The following KIAA0513 variants were observed in gnomAD, a reference collection of about 807,000 sequenced individuals.
KIAA0513 encodes the protein uncharacterized protein KIAA0513.
In KIAA0513, 39 loss-of-function variants were observed where a neutral mutation model predicts 56.5. That is an observed-to-expected ratio of 0.69 (90% CI 0.53 to 0.90). The LOEUF is 0.90. Ranked by LOEUF, KIAA0513 falls within the 40% of genes least tolerant of loss-of-function variation. KIAA0513 has a pLI of 0.00. For synonymous variants in KIAA0513, 268 were observed against 215.6 expected (o/e 1.24, Z -2.13); for missense variants, 591 against 535.2 (o/e 1.10, Z -1.03).
At chr16:85,032,747 C>T (rs1344041368) in intron 1 of KIAA0513, among the ~76,000 whole-genome samples, 1 of 152,192 alleles carries the variant, frequency 6.6e-6, no homozygotes, top group Non-Finnish European at 1.5e-5. Context: ...CCTCCTGCCT[C>T]AGCCTCCCGA....
At chr16:85,059,162 T>C (rs1457650438) in intron 1 of KIAA0513, among the ~76,000 whole-genome samples, 1 of 152,216 alleles carries the variant, frequency 6.6e-6, no homozygotes, top group Non-Finnish European at 1.5e-5. Flanking sequence ...AAAAATCTCT[T>C]TTTGGCTCAG....
chr16:85,075,963 G>A (rs746195828), intron 5 of KIAA0513, 49 bp downstream of exon 5: 4 of 1,395,126 alleles, frequency 2.9e-6, no homozygotes, highest in Non-Finnish European at 4.1e-6. Context: ...CTAGTCTGCT[G>A]ATAATATGGT....
intron 1 of KIAA0513, among the ~76,000 whole-genome samples, chr16:85,049,371 G>A (rs1306703256): frequency 6.6e-6 from 1 of 152,220 alleles, no homozygotes; most frequent in African/African-American, 2.4e-5. Context: ...AGACGGTGGA[G>A]GTTGGTTCCG....
At chr16:85,063,826 A>C (rs1354638373) in intron 1 of KIAA0513, among the ~76,000 whole-genome samples, 1 of 151,958 alleles carries the variant, frequency 6.6e-6, no homozygotes, top group East Asian at 1.9e-4. Context: ...CTCTCACTTC[A>C]GTATTCGCAG....
chr16:85,082,944 C>T (rs1306551338), intron 10 of KIAA0513, among the ~76,000 whole-genome samples: 2 of 152,272 alleles, frequency 1.3e-5, no homozygotes, highest in African/African-American at 4.8e-5. Flanking sequence ...CAGCCGTGCT[C>T]TCCACCAGCC....
At chr16:85,073,090 G>A (rs2073603324) in intron 4 of KIAA0513, 92 bp downstream of exon 4, 4 of 1,054,462 alleles carry the variant, frequency 3.8e-6, no homozygotes, top group South Asian at 1.3e-5. Flanking sequence ...TAACCCAGCT[G>A]TGAACCATAT....
chr16:85,068,761 C>T (rs1176348482), intron 2 of KIAA0513, among the ~76,000 whole-genome samples: 2 of 152,204 alleles, frequency 1.3e-5, no homozygotes, highest in Admixed American at 6.5e-5. Context: ...GCCACCGTGC[C>T]CGGCCATCCA....
At chr16:85,083,404 A>G (rs573091557) in intron 10 of KIAA0513, among the ~76,000 whole-genome samples, 5 of 152,274 alleles carry the variant, frequency 3.3e-5, no homozygotes, top group South Asian at 2.1e-4. Context: ...GTCATGAGCA[A>G]TCGTGTTTCT....
intron 1 of KIAA0513, among the ~76,000 whole-genome samples, chr16:85,028,944 A>G (rs1172974989): frequency 2.6e-5 from 4 of 152,198 alleles, no homozygotes; most frequent in Non-Finnish European, 4.4e-5. Flanking sequence ...CCTTAGAGGC[A>G]TCCTCCTCCC....
intron 10 of KIAA0513, among the ~76,000 whole-genome samples, chr16:85,083,009 C>T (rs1162042747): frequency 6.6e-6 from 1 of 152,238 alleles, no homozygotes; most frequent in East Asian, 1.9e-4. Flanking sequence ...TTACTGTTCA[C>T]ACTGGAGAAG....
rs376375172 is a variant in KIAA0513, at chr16:85,044,510, A to T, written c.-173+16652A>T. Reference sequence around the variant, plus strand: ...AGTAATGCTCCTCCTTTTTATTTTTATTTTTTTTTTTTTTTGAGACAGAGA... The same window carrying T: ...AGTAATGCTCCTCCTTTTTATTTTTTTTTTTTTTTTTTTTTGAGACAGAGA... On this transcript the variant is annotated intron_variant, in intron 1 of 12. Transcript: ENST00000683363. 9.8e-3 allele frequency among the ~76,000 whole-genome samples: 1,337 copies of T among 136,978 alleles called. 12 individuals carry two copies. The highest frequency in any genetic ancestry group is 0.016 in the African/African-American group (572 of 35,834). The allele number at this position is 136,978 out of a possible 152,430, so 89.9% of individuals were successfully genotyped here.
chr16:85,065,902 G>T (rs1004484522), intron 1 of KIAA0513, among the ~76,000 whole-genome samples: 22 of 152,202 alleles, frequency 1.4e-4, no homozygotes, highest in African/African-American at 5.3e-4. Flanking sequence ...GACCTATGTA[G>T]CCAGCTCCCC....
intron 8 of KIAA0513, 130 bp downstream of exon 8, chr16:85,079,133 A>C: frequency 6.6e-7 from 1 of 1,520,282 alleles, no homozygotes; most frequent in South Asian, 1.2e-5. Context: ...GAGTGGCAGA[A>C]TAAAAAGATG....
In KIAA0513 at chr16:85,053,953, C is replaced by G. The variant is rs566723080; in HGVS notation, c.-172-12947C>G. 2.4e-4 allele frequency among the ~76,000 whole-genome samples: 35 copies of G among 148,288 alleles called. No individual in the cohort carries two copies. In the South Asian group the frequency reaches 7.2e-3, roughly 31 times the overall value. On this transcript the variant is annotated intron_variant, in intron 1 of 12. Transcript: ENST00000683363. ...TTTGCAGCGAACTGAGATCATGCCA[C>G]TGCACTCCAGCCTGGCGACAGAGCA...
At chr16:85,046,915 G>A (rs1325557298) in intron 1 of KIAA0513, among the ~76,000 whole-genome samples, 1 of 152,156 alleles carries the variant, frequency 6.6e-6, no homozygotes, top group Non-Finnish European at 1.5e-5. Context: ...TAATTCCAAT[G>A]TCTCTGTTAG....
rs1445393500 is a variant in KIAA0513, at chr16:85,086,598, G to A, written c.1011-46G>A. 6 of 1,569,820 alleles carry A rather than the reference G, an allele frequency of 3.8e-6. No homozygotes were observed. In the Middle Eastern group the frequency reaches 5.0e-4, roughly 131 times the overall value. On this transcript the variant is annotated intron_variant, in intron 10 of 12. Coordinates refer to ENST00000683363, the MANE Select transcript of KIAA0513 (RefSeq NM_001388359.1). ...GAACAGGGCGAGGAGCTGGGGCAAGGACAGCACCATCTGAGCCCCGCTTCT... is the reference window on the plus strand; with the variant it reads ...GAACAGGGCGAGGAGCTGGGGCAAGAACAGCACCATCTGAGCCCCGCTTCT...
At chr16:85,063,924 G>A (rs1253530214) in intron 1 of KIAA0513, among the ~76,000 whole-genome samples, 2 of 150,512 alleles carry the variant, frequency 1.3e-5, no homozygotes, top group African/African-American at 2.4e-5. Context: ...GAAAGTGAAC[G>A]TTTTCTGAAT....
rs200180592 is a variant in KIAA0513 at position 85,048,242 on chromosome 16, G to A, written c.-172-18658G>A. Among the ~76,000 whole-genome samples the A allele has an allele frequency of 2.6e-5, 4 of 152,310 alleles. No homozygotes were observed. In the East Asian group the frequency reaches 7.7e-4, roughly 29 times the overall value. On this transcript the variant is annotated intron_variant, in intron 1 of 12. Transcript: ENST00000683363. ...TGCACCTTGCAGAGGGAGGAGGGAAGCCCTCTGCACCCACCCCGCCTTCCA... is the reference window on the plus strand; with the variant it reads ...TGCACCTTGCAGAGGGAGGAGGGAAACCCTCTGCACCCACCCCGCCTTCCA...
At chr16:85,068,238 C>A (rs912548413) in intron 2 of KIAA0513, among the ~76,000 whole-genome samples, 44 of 151,864 alleles carry the variant, frequency 2.9e-4, no homozygotes, top group Admixed American at 1.7e-3. Context: ...CTCACTGCAA[C>A]CTCCACCTCC....
Sources: allele counts gnomAD v4.1 joint callset (sites outside exome capture counted in the v4.1 genomes callset), GRCh38; gene constraint gnomAD v4.1.1; transcripts MANE v1.5; gene names NCBI Gene and HGNC (gene_info 2026-07-23, HGNC 2026-07-21).